The following HS6ST3 variants were observed in gnomAD, a reference collection of about 807,000 sequenced individuals.
The protein encoded by HS6ST3 is heparan-sulfate 6-O-sulfotransferase 3.
A neutral mutation model predicts 36.7 loss-of-function variants in HS6ST3; 12 were observed. The observed-to-expected ratio is 0.33, with a 90% CI of 0.21 to 0.53. The LOEUF is 0.53. Ranked by LOEUF, HS6ST3 falls within the 20% of genes least tolerant of loss-of-function variation. The pLI, the probability that HS6ST3 is intolerant of heterozygous loss-of-function variation, is 0.95. For synonymous variants in HS6ST3, 240 were observed against 257.5 expected (o/e 0.93, Z 0.65); for missense variants, 584 against 640.9 (o/e 0.91, Z 0.96).
intron 1 of HS6ST3, among the ~76,000 whole-genome samples, chr13:96,429,881 A>G (rs558562153): frequency 1.6e-4 from 24 of 152,356 alleles, no homozygotes; most frequent in African/African-American, 5.5e-4. Context: ...TATAAAATTC[A>G]GCTATGGTTA....
Position 96,459,100 on chromosome 13 carries a change from T to TAAAAAAA in HS6ST3, c.707+367550_707+367556dup, listed in dbSNP as rs747439262. ...GCCTGGGCGACAGAGCAAGACTGTC[T>TAAAAAAA]AAAAAAAAAAAAAAAAAAAAAAAAA... On this transcript the variant is annotated intron_variant, in intron 1 of 1. Coordinates refer to ENST00000376705, the MANE Select transcript of HS6ST3 (RefSeq NM_153456.4). Among the ~76,000 whole-genome samples, 64 of 63,884 alleles carry TAAAAAAA rather than the reference T, an allele frequency of 1.0e-3. 1 individual carries two copies. The highest frequency in any genetic ancestry group is 6.3e-3 in the South Asian group (11 of 1,736). The allele number at this position is 63,884 out of a possible 152,430, so 41.9% of individuals were successfully genotyped here.
chr13:96,354,909 G>C (rs7985691), intron 1 of HS6ST3, among the ~76,000 whole-genome samples: 65,343 of 151,800 alleles, frequency 0.43, 15,011 homozygotes, highest in African/African-American at 0.6. Flanking sequence ...GTAAGATAAG[G>C]AATAATTTCC....
At chr13:96,809,818 T>C (rs1188194675) in intron 1 of HS6ST3, among the ~76,000 whole-genome samples, 2 of 152,228 alleles carry the variant, frequency 1.3e-5, no homozygotes, top group Non-Finnish European at 2.9e-5. Context: ...ACAAGAGCTT[T>C]AACCTCTTTG....
intron 1 of HS6ST3, among the ~76,000 whole-genome samples, chr13:96,811,659 C>T (rs1204615367): frequency 6.6e-6 from 1 of 152,126 alleles, no homozygotes; most frequent in Non-Finnish European, 1.5e-5. Context: ...TAGGAGACCT[C>T]ATTAAAAACA....
intron 1 of HS6ST3, among the ~76,000 whole-genome samples, chr13:96,156,993 A>G (rs553822655): frequency 1.4e-4 from 22 of 152,144 alleles, no homozygotes; most frequent in Non-Finnish European, 2.4e-4. Flanking sequence ...TCACTCCAGC[A>G]TGTGGCAGGG....
chr13:96,649,970 G>A (rs1194885235), intron 1 of HS6ST3, among the ~76,000 whole-genome samples: 1 of 151,854 alleles, frequency 6.6e-6, no homozygotes, highest in Non-Finnish European at 1.5e-5. Flanking sequence ...AACTTCACAA[G>A]CTCCTGTAAG....
chr13:96,443,258 C>T (rs916978377), intron 1 of HS6ST3, among the ~76,000 whole-genome samples: 1 of 151,864 alleles, frequency 6.6e-6, no homozygotes, highest in Admixed American at 6.6e-5. Flanking sequence ...AGGCCGGGTG[C>T]GGTGGCTCAC....
At chr13:96,452,975 A>C (rs1181503663) in intron 1 of HS6ST3, among the ~76,000 whole-genome samples, 2 of 152,066 alleles carry the variant, frequency 1.3e-5, no homozygotes, top group Non-Finnish European at 2.9e-5. Flanking sequence ...TCAGAGACTC[A>C]TGGCATGACA....
At chr13:96,345,234 A>G (rs2055147808) in intron 1 of HS6ST3, among the ~76,000 whole-genome samples, 1 of 152,202 alleles carries the variant, frequency 6.6e-6, no homozygotes, top group Non-Finnish European at 1.5e-5. Flanking sequence ...GCTATCATCA[A>G]TCCCTGAGAA....
intron 1 of HS6ST3, among the ~76,000 whole-genome samples, chr13:96,773,128 C>T (rs61968186): frequency 0.086 from 13,065 of 152,250 alleles, 659 homozygotes; most frequent in East Asian, 0.24. Flanking sequence ...ATGGTGCATT[C>T]AGGCCCAGAA....
rs139975150 is a variant in HS6ST3 at position 96,801,480 on chromosome 13, G to C, written c.708-31010G>C. Among the ~76,000 whole-genome samples the C allele has an allele frequency of 5.0e-3, 759 of 151,992 alleles. 4 individuals carry two copies. The highest frequency in any genetic ancestry group is 0.017 in the African/African-American group (715 of 41,468). On this transcript the variant is annotated intron_variant, in intron 1 of 1. Transcript: ENST00000376705. ...ATTTTCTCACTTGATTTGTTTTCCT[G>C]TTGAAAACAGCTGTCAGGGTTGCCT...
chr13:96,316,259 G>GTA (rs2054969172), intron 1 of HS6ST3, among the ~76,000 whole-genome samples: 1 of 32,448 alleles, frequency 3.1e-5, no homozygotes, highest in African/African-American at 2.5e-4. Context: ...ACATACACCT[G>GTA]TGTGTGTGTG....
chr13:96,522,389 A>G (rs1432407270), intron 1 of HS6ST3, among the ~76,000 whole-genome samples: 2 of 152,130 alleles, frequency 1.3e-5, no homozygotes, highest in African/African-American at 4.8e-5. Context: ...AGCTGAGTTC[A>G]AGTCCTGGAT....
intron 1 of HS6ST3, among the ~76,000 whole-genome samples, chr13:96,344,328 T>C (rs1206679243): frequency 6.6e-6 from 1 of 152,198 alleles, no homozygotes; most frequent in Non-Finnish European, 1.5e-5. Flanking sequence ...AATACAACTA[T>C]AGAAATAACA....
chr13:96,603,362 A>G (rs1041489888), intron 1 of HS6ST3, among the ~76,000 whole-genome samples: 4 of 152,110 alleles, frequency 2.6e-5, no homozygotes, highest in African/African-American at 4.8e-5. Context: ...CTGTTGCTCA[A>G]CTTTATGTTT....
intron 1 of HS6ST3, among the ~76,000 whole-genome samples, chr13:96,119,582 G>C (rs2053915118): frequency 6.6e-6 from 1 of 152,138 alleles, no homozygotes; most frequent in Admixed American, 6.6e-5. Flanking sequence ...AAAAATGCCT[G>C]ATTGCTCAGT....
At chr13:96,599,113 G>A (rs545519464) in intron 1 of HS6ST3, among the ~76,000 whole-genome samples, 2 of 152,050 alleles carry the variant, frequency 1.3e-5, no homozygotes, top group South Asian at 4.1e-4. Flanking sequence ...TCATGGATTG[G>A]ATATTGGTCT....
At chr13:96,110,367 C>A (rs1175150289) in intron 1 of HS6ST3, among the ~76,000 whole-genome samples, 1 of 151,710 alleles carries the variant, frequency 6.6e-6, no homozygotes, top group Non-Finnish European at 1.5e-5. Context: ...CCCCCATGAC[C>A]CAAACACCCC....
chr13:96,320,508 T>C (rs2054997957), intron 1 of HS6ST3, among the ~76,000 whole-genome samples: 1 of 152,224 alleles, frequency 6.6e-6, no homozygotes, highest in African/African-American at 2.4e-5. Context: ...GGCATAAATA[T>C]GTACAGAAAG....
Sources: gnomAD v4.1 joint callset for allele counts (sites outside exome capture counted in the v4.1 genomes callset) on GRCh38, gnomAD v4.1.1 for gene constraint, MANE v1.5 for transcripts, NCBI Gene and HGNC (gene_info 2026-07-23, HGNC 2026-07-21) for gene names.